Variants in PTPN12 observed in about 807,000 individuals in gnomAD.
The protein encoded by PTPN12 is tyrosine-protein phosphatase non-receptor type 12.
PTPN12 carries 29 observed loss-of-function variants against 97.6 expected under a neutral mutation model. That is an observed-to-expected ratio of 0.30 (90% CI 0.22 to 0.41). The LOEUF (loss-of-function observed/expected upper bound fraction) is 0.41, where lower values mean the gene tolerates loss of function less well. Among genes scored for constraint, PTPN12 ranks in the 10% least tolerant of loss-of-function variants. The probability of loss-of-function intolerance (pLI) is 1.00; values close to 1 mark genes in which losing one functional copy is unlikely to be tolerated. For missense variants in PTPN12, 819 were observed against 926.0 expected (o/e 0.88, Z 1.50); for synonymous variants, 327 against 300.4 (o/e 1.09, Z -0.91).
chr7:77,586,718 A>G (rs1248021933), intron 5 of PTPN12, among the ~76,000 whole-genome samples: 1 of 152,216 alleles, frequency 6.6e-6, no homozygotes, highest in Admixed American at 6.5e-5. Flanking sequence ...CTACTTGGCA[A>G]ATTGGAGTCA....
intron 1 of PTPN12, among the ~76,000 whole-genome samples, chr7:77,549,064 A>AT (rs1807353515): frequency 1.3e-5 from 2 of 152,218 alleles, no homozygotes; most frequent in Non-Finnish European, 2.9e-5. Context: ...AGAGCTCAGA[A>AT]TGACTAGAAT....
chr7:77,573,733 G>T (rs529452055), intron 2 of PTPN12, among the ~76,000 whole-genome samples: 1 of 152,106 alleles, frequency 6.6e-6, no homozygotes, highest in Non-Finnish European at 1.5e-5. Context: ...TCGTCTAGCC[G>T]TAGGTTTCTC....
Position 77,625,492 on chromosome 7 carries a change from T to G in PTPN12, c.1026-1213T>G, listed in dbSNP as rs1206932465. ...TGCTCGCTCTCTCTCTCTCTCTCTCTCTCTCTCTCTCTCTCTCTCTCTCTC... is the reference window on the plus strand; with the variant it reads ...TGCTCGCTCTCTCTCTCTCTCTCTCGCTCTCTCTCTCTCTCTCTCTCTCTC... On this transcript the variant is annotated intron_variant, in intron 12 of 17. Coordinates refer to ENST00000248594, the MANE Select transcript of PTPN12 (RefSeq NM_002835.4). Among the ~76,000 whole-genome samples the G allele has an allele frequency of 1.1e-4, 11 of 99,940 alleles. 2 individuals are homozygous for G. The highest frequency in any genetic ancestry group is 4.1e-4 in the African/African-American group (10 of 24,654). The allele number at this position is 99,940 out of a possible 152,430, so 65.6% of individuals were successfully genotyped here. A position where few individuals can be genotyped will look rare whatever the true frequency, so the allele number is the denominator to read the frequency against.
Position 77,560,098 on chromosome 7 carries a change from A to G in PTPN12, c.100-10980A>G, listed in dbSNP as rs577737581. 8.5e-5 allele frequency among the ~76,000 whole-genome samples: 13 copies of G among 152,378 alleles called. No homozygotes were observed. The South Asian group carries it at 2.5e-3, about 29-fold the overall frequency. ...AGTTAATGTGAAGCCAGTCGTCGTC[A>G]TAAAAGTGATAATTGAGTTTGAAGA... On this transcript the variant is annotated intron_variant, in intron 1 of 17. Transcript: ENST00000248594.
In PTPN12 at chr7:77,627,573, T is replaced by C. The variant is rs1481930386; in HGVS notation, c.1894T>C (p.Ser632Pro). ...TATTTCAACAGCAAGTGCCACAGTTTCTGCTGCCACTAGTACTGAAAGCAT... is the reference window on the plus strand; with the variant it reads ...TATTTCAACAGCAAGTGCCACAGTTCCTGCTGCCACTAGTACTGAAAGCAT... The part of the protein sequence containing the change: ...TNISTASATV[S>P]AATSTESIST... The change falls in exon 13 of 18, where the codon TCT becomes CCT. Residue 632 changes from serine (S) to proline (P), a missense_variant. Ser to Pro is a moderately conservative substitution (Grantham distance 74). Transcript: ENST00000248594. The C allele has an allele frequency of 3.1e-6, 5 of 1,613,890 alleles. No individual in the cohort carries two copies. Among genetic ancestry groups the C allele is most frequent in the African/African-American group, 1.3e-5 (1 of 74,950 alleles).
rs116022956 is a variant in PTPN12 at position 77,541,015 on chromosome 7, G to A, written c.99+3370G>A. On this transcript the variant is annotated intron_variant, in intron 1 of 17. Transcript: ENST00000248594. The stretch of plus-strand genomic sequence containing the variant: ...CCTGACTGGTGATGATGCTCTTTTC[G>A]CTCTATCCAGCTGTCCTACAGTCCT... 7.5e-3 allele frequency among the ~76,000 whole-genome samples: 1,145 copies of A among 152,172 alleles called. 16 individuals are homozygous for A. Among genetic ancestry groups the A allele is most frequent in the African/African-American group, 0.026 (1,087 of 41,512 alleles).
chr7:77,558,210 CAAAA>C (rs61149538), intron 1 of PTPN12, among the ~76,000 whole-genome samples: 2,538 of 93,612 alleles, frequency 0.027, 30 homozygotes, highest in Middle Eastern at 0.097. Context: ...GACTCCATCT[CAAAA>C]AAAAAAAAAA....
chr7:77,615,590 A>G (rs1788722461), intron 11 of PTPN12, among the ~76,000 whole-genome samples: 1 of 151,594 alleles, frequency 6.6e-6, no homozygotes, highest in South Asian at 2.1e-4. Context: ...ATACAAAACA[A>G]TTTTTTTTTA....
At chr7:77,570,979 G>A (rs1287715676) in intron 1 of PTPN12, 99 bp from the exon 2 acceptor site, 1 of 687,008 alleles carries the variant, frequency 1.5e-6, no homozygotes, top group African/African-American at 1.9e-5. Flanking sequence ...TAAGAGACAG[G>A]AAAATGAGTT....
chr7:77,593,356 G>A (rs1243367971), intron 6 of PTPN12, among the ~76,000 whole-genome samples: 2 of 152,238 alleles, frequency 1.3e-5, no homozygotes, highest in Admixed American at 6.5e-5. Context: ...GTGTGCATGC[G>A]TCTGTGTGCA....
At chr7:77,575,713 A>C (rs1787320968) in intron 2 of PTPN12, among the ~76,000 whole-genome samples, 1 of 152,158 alleles carries the variant, frequency 6.6e-6, no homozygotes, top group Non-Finnish European at 1.5e-5. Flanking sequence ...TAGTTTTAGG[A>C]CATTTCCATC....
intron 13 of PTPN12, among the ~76,000 whole-genome samples, chr7:77,629,939 C>CAAAA (rs1168132976): frequency 1.0e-4 from 10 of 98,882 alleles, no homozygotes; most frequent in African/African-American, 3.6e-4. Flanking sequence ...GACCCTGTCT[C>CAAAA]AAAAAAAAAA....
At chr7:77,582,193 C>G (rs117591504) in intron 3 of PTPN12, among the ~76,000 whole-genome samples, 1 of 142,638 alleles carries the variant, frequency 7.0e-6, no homozygotes, top group African/African-American at 2.6e-5. Context: ...TTCCCGGGTT[C>G]ACGCCATTCT....
intron 5 of PTPN12, among the ~76,000 whole-genome samples, chr7:77,587,039 A>G (rs1011282913): frequency 1.3e-5 from 2 of 152,044 alleles, no homozygotes; most frequent in Non-Finnish European, 2.9e-5. Context: ...AGTTATCACG[A>G]GGGTTGGAAT....
At chr7:77,578,024 T>A (rs971688901) in intron 2 of PTPN12, among the ~76,000 whole-genome samples, 9 of 152,150 alleles carry the variant, frequency 5.9e-5, no homozygotes, top group South Asian at 4.1e-4. Flanking sequence ...GAAAATTTTT[T>A]AAAAAAAGAA....
chr7:77,609,815 A>C (rs1788504282), intron 9 of PTPN12, among the ~76,000 whole-genome samples: 2 of 151,304 alleles, frequency 1.3e-5, no homozygotes, highest in Admixed American at 1.3e-4. Flanking sequence ...CGGGAGGCGG[A>C]GCTTGCAGTG....
intron 7 of PTPN12, among the ~76,000 whole-genome samples, chr7:77,599,209 T>C (rs183238144): frequency 3.9e-5 from 6 of 152,162 alleles, no homozygotes; most frequent in Admixed American, 3.9e-4. Context: ...TATATAATTA[T>C]TACCCTGTTT....
chr7:77,592,389 A>C (rs1021639847), intron 6 of PTPN12, 133 bp downstream of exon 6: 9 of 705,638 alleles, frequency 1.3e-5, no homozygotes, highest in Non-Finnish European at 2.0e-5. Flanking sequence ...TACATTTAAA[A>C]AAATTTTGTT....
At chr7:77,580,169 G>C (rs1787469090) in intron 2 of PTPN12, among the ~76,000 whole-genome samples, 1 of 152,174 alleles carries the variant, frequency 6.6e-6, no homozygotes, top group Non-Finnish European at 1.5e-5. Context: ...AAAAGAGTGA[G>C]ATAGCCTAGT....
Sources: allele counts gnomAD v4.1 joint callset (sites outside exome capture counted in the v4.1 genomes callset), GRCh38; gene constraint gnomAD v4.1.1; transcripts MANE v1.5; gene names NCBI Gene and HGNC (gene_info 2026-07-23, HGNC 2026-07-21).